ERICH6B: variants seen among roughly 807,000 people sequenced by gnomAD.
ERICH6B encodes glutamate rich 6B, also known as glutamate-rich protein 6B.
A neutral mutation model predicts 80.0 loss-of-function variants in ERICH6B; 69 were observed. The observed-to-expected ratio is 0.86, with a 90% CI of 0.71 to 1.05. The LOEUF (loss-of-function observed/expected upper bound fraction) is 1.05, where lower values mean the gene tolerates loss of function less well. Ranked by LOEUF, ERICH6B falls within the 50% of genes least tolerant of loss-of-function variation. ERICH6B has a pLI of 0.00. For missense variants in ERICH6B, 754 were observed against 796.1 expected (o/e 0.95, Z 0.64); for synonymous variants, 283 against 291.9 (o/e 0.97, Z 0.31).
rs115056084 is a variant in ERICH6B at position 45,607,777 on chromosome 13, T to C, written c.-110-162A>G. Among the ~76,000 whole-genome samples the C allele has an allele frequency of 7.6e-3, 1,152 of 152,298 alleles. 19 individuals are homozygous for C. Among genetic ancestry groups the C allele is most frequent in the African/African-American group, 0.026 (1,099 of 41,538 alleles). On this transcript the variant is annotated intron_variant, in intron 1 of 14. Transcript: ENST00000298738. ...AAAGTTCCTTGGTCAGTAGCTTTCA[T>C]TGAATGTCCAACAGCAAATCAAACC... is the stretch of plus-strand genomic sequence containing the variant.
At chr13:45,595,227 C>T (rs1026921171) in intron 3 of ERICH6B, among the ~76,000 whole-genome samples, 14 of 151,998 alleles carry the variant, frequency 9.2e-5, no homozygotes, top group Non-Finnish European at 1.5e-4. Flanking sequence ...CACCAAAATG[C>T]CATTTTTAAA....
intron 13 of ERICH6B, among the ~76,000 whole-genome samples, chr13:45,546,951 C>G (rs1277929494): frequency 6.6e-6 from 1 of 152,196 alleles, no homozygotes; most frequent in Non-Finnish European, 1.5e-5. Flanking sequence ...GGGACCCCAG[C>G]CTGTCCAACC....
In ERICH6B at chr13:45,596,877, T is replaced by C. The variant is rs369876980; in HGVS notation, c.129A>G (p.Leu43=). 2.3e-5 allele frequency: 36 copies of C among 1,551,748 alleles called. No individual in the cohort carries two copies. The African/African-American group carries it at 4.0e-4, about 17-fold the overall frequency. The change falls in exon 3 of 15, where the codon CTA becomes CTG. Residue 43 remains leucine (L), a synonymous_variant. Coordinates refer to ENST00000298738, the MANE Select transcript of ERICH6B (RefSeq NM_182542.3). ...CTGGAGAAAATGGAGATTCATCCTG[T>C]AGACTTTCCTCATCTAGTTCTACTT... The part of the protein sequence containing the change: ...DTEVELDEES[L]QDESPFSPEG...
At chr13:45,584,324 T>C (rs1216587882) in intron 5 of ERICH6B, among the ~76,000 whole-genome samples, 1 of 152,190 alleles carries the variant, frequency 6.6e-6, no homozygotes, top group Non-Finnish European at 1.5e-5. Flanking sequence ...GTTGCAGCCT[T>C]TCCACGTCAG....
chr13:45,555,718 CAAAAG>C (rs1874410241), intron 11 of ERICH6B, among the ~76,000 whole-genome samples: 1 of 151,880 alleles, frequency 6.6e-6, no homozygotes, highest in South Asian at 2.1e-4. Context: ...GGGAGCCACT[CAAAAG>C]AAATACAAGG....
chr13:45,551,772 G>T (rs1317719645), intron 11 of ERICH6B, among the ~76,000 whole-genome samples: 1 of 152,128 alleles, frequency 6.6e-6, no homozygotes, highest in Non-Finnish European at 1.5e-5. Flanking sequence ...TTATGAAAGG[G>T]CTTGAGGCTA....
In ERICH6B at chr13:45,547,428, G is replaced by A. The variant is rs114808207; in HGVS notation, c.1647-2443C>T. Among the ~76,000 whole-genome samples, 1,331 of 152,186 alleles carry A rather than the reference G, an allele frequency of 8.7e-3. 22 individuals carry two copies. Among genetic ancestry groups the A allele is most frequent in the African/African-American group, 0.03 (1,246 of 41,530 alleles). On this transcript the variant is annotated intron_variant, in intron 13 of 14. Transcript: ENST00000298738. ...AATAAAAGCCCCTCACTCAAGCTCTGGCTTAGCTAGCTCTTAACCAATCAG... is the reference window on the plus strand; with the variant it reads ...AATAAAAGCCCCTCACTCAAGCTCTAGCTTAGCTAGCTCTTAACCAATCAG...
chr13:45,550,858 T>C (rs1024180216), intron 11 of ERICH6B, among the ~76,000 whole-genome samples: 9 of 152,178 alleles, frequency 5.9e-5, no homozygotes, highest in Non-Finnish European at 1.3e-4. Flanking sequence ...CCATATTGGA[T>C]TGGGGCACAC....
intron 1 of ERICH6B, among the ~76,000 whole-genome samples, chr13:45,611,094 C>T (rs555748023): frequency 6.6e-6 from 1 of 152,100 alleles, no homozygotes; most frequent in African/African-American, 2.4e-5. Context: ...GGCAAGTGTC[C>T]CCTACCCCTA....
At chr13:45,606,100 C>A (rs1949857885) in intron 2 of ERICH6B, among the ~76,000 whole-genome samples, 1 of 152,180 alleles carries the variant, frequency 6.6e-6, no homozygotes, top group South Asian at 2.1e-4. Flanking sequence ...TATTTAAAAG[C>A]TTTCATGAAA....
chr13:45,545,746 C>T (rs1873967165), intron 13 of ERICH6B, among the ~76,000 whole-genome samples: 1 of 152,138 alleles, frequency 6.6e-6, no homozygotes, highest in Non-Finnish European at 1.5e-5. Context: ...ACAACACTGC[C>T]CTGTGTAGGG....
intron 2 of ERICH6B, among the ~76,000 whole-genome samples, chr13:45,599,500 C>T (rs192056215): frequency 6.6e-6 from 1 of 152,220 alleles, no homozygotes; most frequent in Admixed American, 6.5e-5. Context: ...ACAGCGGGCT[C>T]TGTGAGATGG....
intron 1 of ERICH6B, among the ~76,000 whole-genome samples, chr13:45,609,292 C>A (rs1295942549): frequency 2.0e-5 from 3 of 152,206 alleles, no homozygotes; most frequent in Admixed American, 6.5e-5. Flanking sequence ...TCCCTTGCTG[C>A]AGCCTGTTCT....
Position 45,541,441 on chromosome 13 carries a change from G to T in ERICH6B, c.*21C>A, listed in dbSNP as rs1474158696. The T allele has an allele frequency of 3.9e-6, 6 of 1,545,594 alleles. No homozygotes were observed. The South Asian group carries it at 6.0e-5, about 15-fold the overall frequency. ...TCTCCAACTTCCTAAGGCATTTGGTGGATGCCAGATAAGCCCCGCCTTAAA... is the reference window on the plus strand; with the variant it reads ...TCTCCAACTTCCTAAGGCATTTGGTTGATGCCAGATAAGCCCCGCCTTAAA... On this transcript the variant is annotated 3_prime_UTR_variant, in exon 15 of 15. Coordinates refer to ENST00000298738, the MANE Select transcript of ERICH6B (RefSeq NM_182542.3).
At chr13:45,570,420 A>T (rs1339796162) in intron 8 of ERICH6B, among the ~76,000 whole-genome samples, 1 of 152,228 alleles carries the variant, frequency 6.6e-6, no homozygotes, top group East Asian at 1.9e-4. Context: ...CAACATAGTG[A>T]GACCCTTCCT....
chr13:45,544,759 C>A lies in ERICH6B; in HGVS notation c.1872+1G>T, dbSNP rs1318569598. Reference sequence around the variant, plus strand: ...GAGGGTATGGGGAGTTGTGACCTTACCTTGTACCTGGTGCCCAGGTTTAAA... The same window carrying A: ...GAGGGTATGGGGAGTTGTGACCTTAACTTGTACCTGGTGCCCAGGTTTAAA... On this transcript the variant is annotated splice_donor_variant, in intron 14 of 14. Coordinates refer to ENST00000298738, the MANE Select transcript of ERICH6B (RefSeq NM_182542.3). LOFTEE classifies it high-confidence loss of function. The A allele has an allele frequency of 6.4e-7, 1 of 1,551,604 alleles. No homozygotes were observed. Among genetic ancestry groups the A allele is most frequent in the South Asian group, 1.2e-5 (1 of 84,060 alleles).
chr13:45,608,441 G>T (rs1201096399), intron 1 of ERICH6B, among the ~76,000 whole-genome samples: 1 of 152,126 alleles, frequency 6.6e-6, no homozygotes, highest in African/African-American at 2.4e-5. Flanking sequence ...TCTTTGTCTT[G>T]TCACTACATG....
At position 45,579,985 on chromosome 13, in the gene ERICH6B, A is replaced by G; in HGVS notation, c.920-11T>C. 1 of 1,540,280 alleles carries G rather than the reference A, an allele frequency of 6.5e-7. No homozygotes were observed. The highest frequency in any genetic ancestry group is 2.0e-5 in the Admixed American group (1 of 50,852). On this transcript the variant is annotated splice_polypyrimidine_tract_variant and intron_variant, in intron 6 of 14. Coordinates refer to ENST00000298738, the MANE Select transcript of ERICH6B (RefSeq NM_182542.3). ...TAGTGTTAACATGCTCTAAAAAAGA[A>G]TAAGAAAAATTATTAACAGGATACG...
intron 5 of ERICH6B, 102 bp from the exon 6 acceptor site, chr13:45,580,767 C>G (rs1875622725): frequency 8.5e-7 from 1 of 1,180,858 alleles, no homozygotes; most frequent in African/African-American, 1.5e-5. Flanking sequence ...TCTTGGCACC[C>G]AAGGCTGGTC....
Sources: allele counts gnomAD v4.1 joint callset (sites outside exome capture counted in the v4.1 genomes callset), GRCh38; gene constraint gnomAD v4.1.1; transcripts MANE v1.5; gene names NCBI Gene and HGNC (gene_info 2026-07-23, HGNC 2026-07-21).